The following DCC variants were observed in gnomAD, a reference collection of about 807,000 sequenced individuals.
DCC encodes DCC netrin 1 receptor.
A neutral mutation model predicts 172.5 loss-of-function variants in DCC; 58 were observed. The ratio of observed to expected loss-of-function variants is 0.34; its 90% confidence interval spans 0.27 to 0.42. The LOEUF is 0.42. Ranked by LOEUF, DCC falls within the 10% of genes least tolerant of loss-of-function variation. The probability of loss-of-function intolerance (pLI) is 1.00; values close to 1 mark genes in which losing one functional copy is unlikely to be tolerated. For synonymous variants in DCC, 709 were observed against 644.5 expected (o/e 1.10, Z -1.52); for missense variants, 1,740 against 1,791.0 (o/e 0.97, Z 0.51).
intron 27 of DCC, among the ~76,000 whole-genome samples, chr18:53,511,852 C>G (rs2046258397): frequency 6.6e-6 from 1 of 152,196 alleles, no homozygotes; most frequent in African/African-American, 2.4e-5. Flanking sequence ...GCACGGCAGT[C>G]TGAGATCAAA....
At position 53,300,994 on chromosome 18, in the gene DCC, T is replaced by TTCTTTCTTTTC. The variant is rs1555649245; in HGVS notation, c.1912-4583_1912-4582insCTTTCTTTTCT. On this transcript the variant is annotated intron_variant, in intron 12 of 28. Transcript: ENST00000442544. ...CTTTCTTTCTTTCTTTCTTTCTTTT[T>TTCTTTCTTTTC]TTTTCTTTTCTTTCTTTTCACTCTT... Among the ~76,000 whole-genome samples, 10 of 134,610 alleles carry TTCTTTCTTTTC rather than the reference T, an allele frequency of 7.4e-5. 1 individual carries two copies. Among genetic ancestry groups the TTCTTTCTTTTC allele is most frequent in the African/African-American group, 2.9e-4 (10 of 34,794 alleles). 88.3% of individuals were successfully genotyped at this position (134,610 alleles called of 152,430 possible).
intron 1 of DCC, among the ~76,000 whole-genome samples, chr18:52,533,507 G>A (rs1219472440): frequency 1.3e-5 from 2 of 151,918 alleles, no homozygotes; most frequent in East Asian, 3.9e-4. Flanking sequence ...TAATCTTATG[G>A]GATTGACTTT....
At chr18:52,632,061 T>C (rs942312721) in intron 1 of DCC, among the ~76,000 whole-genome samples, 2 of 152,208 alleles carry the variant, frequency 1.3e-5, no homozygotes, top group African/African-American at 4.8e-5. Context: ...ATCTTTCTGA[T>C]GTCAACTTCA....
chr18:52,744,231 T>C (rs1162369137), intron 1 of DCC, among the ~76,000 whole-genome samples: 1 of 152,196 alleles, frequency 6.6e-6, no homozygotes, highest in East Asian at 1.9e-4. Flanking sequence ...GTTTTTCATA[T>C]GAAATTCTAA....
At chr18:52,994,331 G>T (rs1194032331) in intron 5 of DCC, among the ~76,000 whole-genome samples, 1 of 152,148 alleles carries the variant, frequency 6.6e-6, no homozygotes, top group East Asian at 1.9e-4. Context: ...AAAGTTGGGG[G>T]TTGGGGGAGG....
intron 1 of DCC, among the ~76,000 whole-genome samples, chr18:52,731,735 C>T (rs1011252950): frequency 3.3e-5 from 5 of 152,142 alleles, no homozygotes; most frequent in Non-Finnish European, 7.4e-5. Context: ...CATATTACTG[C>T]ATTTTCTTCC....
chr18:53,040,440 G>T (rs914362461), intron 5 of DCC, among the ~76,000 whole-genome samples: 1 of 151,942 alleles, frequency 6.6e-6, no homozygotes, highest in Non-Finnish European at 1.5e-5. Flanking sequence ...TGGTTAAAAT[G>T]TGTATTCCTG....
intron 12 of DCC, among the ~76,000 whole-genome samples, chr18:53,241,660 A>C (rs775852475): frequency 6.6e-6 from 1 of 152,170 alleles, no homozygotes; most frequent in African/African-American, 2.4e-5. Flanking sequence ...GAACCTCTGA[A>C]TGATGGTGCC....
chr18:52,573,005 C>G (rs1204635210), intron 1 of DCC, among the ~76,000 whole-genome samples: 1 of 152,092 alleles, frequency 6.6e-6, no homozygotes, highest in Non-Finnish European at 1.5e-5. Context: ...CTATTAAGCA[C>G]CCTGGCCTAA....
intron 15 of DCC, among the ~76,000 whole-genome samples, chr18:53,380,459 T>A (rs1052529797): frequency 6.6e-6 from 1 of 152,210 alleles, no homozygotes; most frequent in Non-Finnish European, 1.5e-5. Flanking sequence ...TATTTTCTTG[T>A]TTTTTGTTCT....
At chr18:53,282,985 A>T (rs1029617948) in intron 12 of DCC, among the ~76,000 whole-genome samples, 1 of 152,198 alleles carries the variant, frequency 6.6e-6, no homozygotes, top group Non-Finnish European at 1.5e-5. Flanking sequence ...TGTATCACAT[A>T]GTCTTTATAT....
intron 5 of DCC, among the ~76,000 whole-genome samples, chr18:52,960,121 C>A (rs974314321): frequency 1.3e-5 from 2 of 152,038 alleles, no homozygotes; most frequent in Non-Finnish European, 2.9e-5. Context: ...CACAATATAG[C>A]TACTCAAAAT....
intron 6 of DCC, among the ~76,000 whole-genome samples, chr18:53,064,303 T>C (rs959891352): frequency 5.3e-5 from 8 of 152,242 alleles, no homozygotes; most frequent in African/African-American, 1.7e-4. Flanking sequence ...TAGGTTAGCA[T>C]TGGAGGTTCT....
At chr18:52,591,920 G>A (rs915700659) in intron 1 of DCC, among the ~76,000 whole-genome samples, 1 of 151,674 alleles carries the variant, frequency 6.6e-6, no homozygotes, top group Non-Finnish European at 1.5e-5. Context: ...AAAGGTCCAG[G>A]ATTACCGGTG....
At chr18:53,322,743 T>C (rs1429707459) in intron 14 of DCC, among the ~76,000 whole-genome samples, 1 of 151,632 alleles carries the variant, frequency 6.6e-6, no homozygotes, top group Non-Finnish European at 1.5e-5. Context: ...ATCCTCAAAA[T>C]TAGCAAATGA....
At chr18:53,131,298 T>C (rs1001860072) in intron 7 of DCC, among the ~76,000 whole-genome samples, 1 of 152,156 alleles carries the variant, frequency 6.6e-6, no homozygotes, top group Admixed American at 6.6e-5. Context: ...CCCATAATTA[T>C]AGAATTTATT....
chr18:52,349,271 A>G lies in DCC; in HGVS notation c.91+8393A>G, dbSNP rs942734055. Among the ~76,000 whole-genome samples, 17 of 152,110 alleles carry G rather than the reference A, an allele frequency of 1.1e-4. 1 individual carries two copies. The highest frequency in any genetic ancestry group is 4.1e-4 in the African/African-American group (17 of 41,436). On this transcript the variant is annotated intron_variant, in intron 1 of 28. Coordinates refer to ENST00000442544, the MANE Select transcript of DCC (RefSeq NM_005215.4). ...ACCCCTGAATGAAATAAAGCCTCAGATGTACTTGCAGAGGCCTCTGTAGTG... is the reference window on the plus strand; with the variant it reads ...ACCCCTGAATGAAATAAAGCCTCAGGTGTACTTGCAGAGGCCTCTGTAGTG...
At chr18:53,167,427 C>T (rs904683682) in intron 8 of DCC, among the ~76,000 whole-genome samples, 1 of 152,100 alleles carries the variant, frequency 6.6e-6, no homozygotes, top group African/African-American at 2.4e-5. Context: ...GTAGATCCCA[C>T]TCTCCATTAC....
intron 2 of DCC, among the ~76,000 whole-genome samples, chr18:52,779,338 C>A (rs9967408): frequency 6.6e-6 from 1 of 151,970 alleles, no homozygotes; most frequent in Non-Finnish European, 1.5e-5. Flanking sequence ...CAGTGTTTGA[C>A]GTTCCCCTCC....
Sources: gnomAD v4.1 joint callset for allele counts (sites outside exome capture counted in the v4.1 genomes callset) on GRCh38, gnomAD v4.1.1 for gene constraint, MANE v1.5 for transcripts, NCBI Gene and HGNC (gene_info 2026-07-23, HGNC 2026-07-21) for gene names.